The following B4GALT3 variants were observed in gnomAD, a reference collection of about 807,000 sequenced individuals.
B4GALT3 encodes the protein N-acetyllactosamine synthase.
In B4GALT3, 29 loss-of-function variants were observed where a neutral mutation model predicts 40.7. The observed-to-expected ratio is 0.71, with a 90% CI of 0.53 to 0.97. B4GALT3 has a LOEUF of 0.97. Among genes scored for constraint, B4GALT3 ranks in the 50% least tolerant of loss-of-function variants. The pLI, the probability that B4GALT3 is intolerant of heterozygous loss-of-function variation, is 0.00. For synonymous variants in B4GALT3, 182 were observed against 203.9 expected, an observed-to-expected ratio of 0.89 and a Z score of 0.92; for missense variants, 390 against 522.3, an observed-to-expected ratio of 0.75 and a Z score of 2.47.
intron 1 of B4GALT3, 81 bp downstream of exon 1, chr1:161,177,342 G>T: frequency 2.1e-6 from 1 of 484,448 alleles, no homozygotes; most frequent in Non-Finnish European, 3.8e-6. Flanking sequence ...GTCTCCAGGC[G>T]TTACCCAAAA....
At chr1:161,177,373 C>A in intron 1 of B4GALT3, 50 bp downstream of exon 1, 1 of 385,236 alleles carries the variant, frequency 2.6e-6, no homozygotes, top group Admixed American at 3.9e-5. Context: ...TCTCGAATGC[C>A]CAAACCTTTA....
At chr1:161,177,044 G>T (rs769600628) in intron 1 of B4GALT3, 1 of 1,535,990 alleles carries the variant, frequency 6.5e-7, no homozygotes, top group Admixed American at 2.0e-5. Flanking sequence ...TAGGGTGGGG[G>T]TGGCGTCCTC....
Position 161,176,004 on chromosome 1 carries a change from C to T in B4GALT3, c.57G>A (p.Gln19=), listed in dbSNP as rs1157072133. The change falls in exon 3 of 8, where the codon CAG becomes CAA. Residue 19 remains glutamine (Q), a synonymous_variant. Coordinates refer to ENST00000319769, the MANE Select transcript of B4GALT3 (RefSeq NM_003779.4). ...PCTLALLVGS[Q]LAVMMYLSLG... ...GTGACAGGTACATCATGACAGCCAGCTGGGAGCCCACAAGCAGGGCCAGCG... is the reference window on the plus strand; with the variant it reads ...GTGACAGGTACATCATGACAGCCAGTTGGGAGCCCACAAGCAGGGCCAGCG... 2 of 1,614,102 alleles carry T rather than the reference C, an allele frequency of 1.2e-6. No homozygotes were observed. The highest frequency in any genetic ancestry group is 1.7e-6 in the Non-Finnish European group (2 of 1,180,018).
At chr1:161,173,757 G>A (rs1295707787) in intron 5 of B4GALT3, 30 bp from the exon 6 acceptor site, 11 of 1,613,798 alleles carry the variant, frequency 6.8e-6, no homozygotes, top group East Asian at 6.7e-5. Context: ...TGCATACCCC[G>A]AGTCTTCTGG....
At position 161,173,993 on chromosome 1, in the gene B4GALT3, G is replaced by A; in HGVS notation, c.546C>T (p.Ala182=). The A allele has an allele frequency of 1.2e-6, 2 of 1,614,036 alleles. No individual in the cohort carries two copies. The highest frequency in any genetic ancestry group is 1.7e-6 in the Non-Finnish European group (2 of 1,180,042). The change falls in exon 5 of 8, where the codon GCC becomes GCT. Residue 182 remains alanine, a synonymous_variant. Transcript: ENST00000319769. ...AKLLNVGVRE[A]LRDEEWDCLF... is the part of the protein sequence containing the mutation. ...GGCAGTCCCACTCTTCATCACGCAG[G>A]GCCTCTCGCACCCCAACGTTCAACA...
intron 1 of B4GALT3, chr1:161,177,072 C>T (rs1315198184): frequency 2.6e-6 from 4 of 1,535,438 alleles, no homozygotes; most frequent in East Asian, 4.9e-5. Flanking sequence ...TCTACCTTTC[C>T]CCTCTTCTAG....
chr1:161,177,255 G>A (rs983225304), intron 1 of B4GALT3, 168 bp downstream of exon 1: 20 of 628,634 alleles, frequency 3.2e-5, no homozygotes, highest in African/African-American at 3.1e-4. Flanking sequence ...TCTTGCTTTT[G>A]CCCTACCTAC....
chr1:161,174,810 C>G (rs540205127), intron 4 of B4GALT3, 183 bp downstream of exon 4: 1 of 632,866 alleles, frequency 1.6e-6, no homozygotes, highest in East Asian at 2.8e-5. Flanking sequence ...ATAACCTAAG[C>G]AGATTAAGGA....
intron 6 of B4GALT3, chr1:161,172,549 G>A: frequency 1.9e-6 from 1 of 524,014 alleles, no homozygotes. Context: ...TCACCCTAGG[G>A]CCTTTAAACA....
Position 161,175,045 on chromosome 1 carries a change from T to C in B4GALT3, c.437A>G (p.His146Arg). The C allele has an allele frequency of 6.2e-7, 1 of 1,613,846 alleles. No homozygotes were observed. The highest frequency in any genetic ancestry group is 8.5e-7 in the Non-Finnish European group (1 of 1,179,912). ...HHLRLLLYHL[H>R]PFLQRQQLAY... The stretch of plus-strand genomic sequence containing the variant: ...AAGCTGCTGGCGCTGCAAGAAGGGG[T>C]GCAGGTGGTAGAGCAGCAGGCGCAG... Residue 146 changes from histidine (H) to arginine (R), a missense_variant, in exon 4 of 8, where the codon CAC becomes CGC. Physicochemically the swap from His to Arg is conservative, Grantham distance 29 (BLOSUM62 0). This residue lies in a region of B4GALT3 where 183 missense variants were observed against 223.2 expected (regional missense o/e 0.82). Transcript: ENST00000319769.
chr1:161,176,465 G>C lies in B4GALT3; in HGVS notation c.-46C>G. On this transcript the variant is annotated 5_prime_UTR_variant, in exon 2 of 8. Coordinates refer to ENST00000319769, the MANE Select transcript of B4GALT3 (RefSeq NM_003779.4). ...TCAAGCTGTCTTCTTAGGGATCATG[G>C]GGGCTCCAGGGGGTCCCGGGGGGAC... is the stretch of plus-strand genomic sequence containing the variant. 1 of 375,010 alleles carries C rather than the reference G, an allele frequency of 2.7e-6. No individual in the cohort carries two copies. Among genetic ancestry groups the C allele is most frequent in the Non-Finnish European group, 4.9e-6 (1 of 203,410 alleles). 23.2% of individuals were successfully genotyped at this position (375,010 alleles called of 1,614,324 possible).
chr1:161,173,750 A>G, intron 5 of B4GALT3, 23 bp from the exon 6 acceptor site: 1 of 1,613,416 alleles, frequency 6.2e-7, no homozygotes, highest in Non-Finnish European at 8.5e-7. Context: ...AGATCCTTGC[A>G]TACCCCGAGT....
Position 161,171,461 on chromosome 1 carries a change from T to C in B4GALT3, c.*355A>G, listed in dbSNP as rs1191676962. 1 of 591,130 alleles carries C rather than the reference T, an allele frequency of 1.7e-6. No homozygotes were observed. Among genetic ancestry groups the C allele is most frequent in the African/African-American group, 1.9e-5 (1 of 53,544 alleles). The allele number at this position is 591,130 out of a possible 1,614,324, so 36.6% of individuals were successfully genotyped here. A position where few individuals can be genotyped will look rare whatever the true frequency, so the allele number is the denominator to read the frequency against. On this transcript the variant is annotated 3_prime_UTR_variant, in exon 8 of 8. Coordinates refer to ENST00000319769, the MANE Select transcript of B4GALT3 (RefSeq NM_003779.4). ...TCCCGGGAACCATAAATAGAATAAA[T>C]ATTCACAGAGGTCCGAGGAGAAGCC...
At chr1:161,176,396 C>T (rs987834703) in intron 2 of B4GALT3, 38 bp downstream of exon 2, 14 of 424,010 alleles carry the variant, frequency 3.3e-5, no homozygotes, top group Non-Finnish European at 4.7e-5. Context: ...TCTAGAGAAC[C>T]CCCTCTTCCA....
chr1:161,176,791 A>G (rs1259245827), intron 1 of B4GALT3: 5 of 1,460,444 alleles, frequency 3.4e-6, no homozygotes, highest in Non-Finnish European at 3.7e-6. Context: ...CCCCACCCCA[A>G]CAGGACAGAT....
intron 2 of B4GALT3, 79 bp downstream of exon 2, chr1:161,176,355 C>T (rs1663514846): frequency 1.9e-6 from 1 of 515,864 alleles, no homozygotes; most frequent in African/African-American, 1.9e-5. Flanking sequence ...ATGTTTACAT[C>T]ATTCAAATCT....
rs757070009 is a variant in B4GALT3 at position 161,176,054 on chromosome 1, G to A, written c.7C>T (p.Arg3Trp). Residue 3 changes from arginine to tryptophan, a missense_variant, in exon 3 of 8, where the codon CGG becomes TGG. By Grantham distance (101) the Arg-to-Trp change is moderately radical. Transcript: ENST00000319769. ...GTGCAAGGCCGCTCCAGCAGCCTCC[G>A]CAACATCCTGGGGGTGAGATCTAGG... ML[R>W]RLLERPCTLA... 6.2e-6 allele frequency: 10 copies of A among 1,613,900 alleles called. No individual in the cohort carries two copies. The highest frequency in any genetic ancestry group is 2.2e-5 in the East Asian group (1 of 44,880).
rs1432987800 is a variant in B4GALT3, at chr1:161,172,077, C to T, written c.921G>A (p.Leu307=). ...NEENPHRFDL[L]VRTQNSWTQD... ...GCGTCCAGGAATTCTGGGTACGGAC[C>T]AGGAGGTCAAATCTGAGGGTTAGAG... Residue 307 remains leucine, a synonymous_variant, in exon 8 of 8, where the codon CTG becomes CTA. Coordinates refer to ENST00000319769, the MANE Select transcript of B4GALT3 (RefSeq NM_003779.4). 2 of 1,614,098 alleles carry T rather than the reference C, an allele frequency of 1.2e-6. No homozygotes were observed. Among genetic ancestry groups the T allele is most frequent in the Non-Finnish European group, 1.7e-6 (2 of 1,180,026 alleles).
At position 161,171,615 on chromosome 1, in the gene B4GALT3, C is replaced by T. The variant is rs1661453941; in HGVS notation, c.*201G>A. The T allele has an allele frequency of 1.5e-6, 1 of 675,904 alleles. No individual in the cohort carries two copies. The highest frequency in any genetic ancestry group is 2.5e-6 in the Non-Finnish European group (1 of 406,370). 41.9% of individuals were successfully genotyped at this position (675,904 alleles called of 1,614,324 possible). A position where few individuals can be genotyped will look rare whatever the true frequency, so the allele number is the denominator to read the frequency against. On this transcript the variant is annotated 3_prime_UTR_variant, in exon 8 of 8. Coordinates refer to ENST00000319769, the MANE Select transcript of B4GALT3 (RefSeq NM_003779.4). ...CAAGGATTCACAGTCATAAGCCCTA[C>T]AGGAGACCCTAGAGAGAGGGACCCC...
Sources: gnomAD v4.1 joint callset for allele counts on GRCh38, gnomAD v4.1.1 for gene constraint, gnomAD v4.1.1 regional missense constraint, MANE v1.5 for transcripts, NCBI Gene and HGNC (gene_info 2026-07-23, HGNC 2026-07-21) for gene names.